The following BCL2L11 variants were observed in gnomAD, a reference collection of about 807,000 sequenced individuals.
BCL2L11 encodes the protein BCL2 like 11.
A neutral mutation model predicts 20.6 loss-of-function variants in BCL2L11; 15 were observed. The ratio of observed to expected loss-of-function variants is 0.73; its 90% CI spans 0.49 to 1.12. The LOEUF is 1.12. Among genes scored for constraint, BCL2L11 ranks in the 50% most tolerant of loss-of-function variants. The probability of loss-of-function intolerance (pLI) is 0.00; values close to 1 mark genes in which losing one functional copy is unlikely to be tolerated. For synonymous variants in BCL2L11, 108 were observed against 92.8 expected (o/e 1.16, Z -0.94); for missense variants, 292 against 260.9 (o/e 1.12, Z -0.82).
chr2:111,166,925 T>G lies in BCL2L11; in HGVS notation c.*2694T>G, dbSNP rs1478376386. The G allele has an allele frequency of 6.6e-6, 1 of 152,646 alleles. No homozygotes were observed. Among genetic ancestry groups the G allele is most frequent in the Admixed American group, 6.5e-5 (1 of 15,278 alleles). The allele number at this position is 152,646 out of a possible 1,614,324, so 9.5% of individuals were successfully genotyped here. ...ACTTATCAACTGAGCCAAATGTCTG[T>G]GTGCAATTGTGTTTCCTTTACCTTG... On this transcript the variant is annotated 3_prime_UTR_variant, in exon 4 of 4. Coordinates refer to ENST00000393256, the MANE Select transcript of BCL2L11 (RefSeq NM_138621.5).
At position 111,125,639 on chromosome 2, in the gene BCL2L11, T is replaced by C. The variant is rs146468662; in HGVS notation, c.394+1500T>C. Among the ~76,000 whole-genome samples the C allele has an allele frequency of 6.8e-3, 1,026 of 151,540 alleles. 16 individuals are homozygous for C. Among genetic ancestry groups the C allele is most frequent in the African/African-American group, 0.023 (974 of 41,546 alleles). ...ATCAGGCAGGCCTTTGCCCATGTTATAGAATTGGAAAGAACCTCAGAGTGG... is the reference window on the plus strand; with the variant it reads ...ATCAGGCAGGCCTTTGCCCATGTTACAGAATTGGAAAGAACCTCAGAGTGG... On this transcript the variant is annotated intron_variant, in intron 2 of 3. Coordinates refer to ENST00000393256, the MANE Select transcript of BCL2L11 (RefSeq NM_138621.5).
rs552119326 is a variant in BCL2L11, at chr2:111,164,605, C to G, written c.*374C>G. 6.1e-6 allele frequency: 1 copy of G among 164,514 alleles called. No homozygotes were observed. The highest frequency in any genetic ancestry group is 1.8e-4 in the South Asian group (1 of 5,540). The allele number at this position is 164,514 out of a possible 1,614,324, so 10.2% of individuals were successfully genotyped here. A position where few individuals can be genotyped will look rare whatever the true frequency, so the allele number is the denominator to read the frequency against. On this transcript the variant is annotated 3_prime_UTR_variant, in exon 4 of 4. Coordinates refer to ENST00000393256, the MANE Select transcript of BCL2L11 (RefSeq NM_138621.5). ...AACTTTTTAACCAATTTGTGAATAA[C>G]TTTTGTATTAAAATTTTAAGAACCT... is the stretch of plus-strand genomic sequence containing the variant.
In BCL2L11 at chr2:111,166,529, T is replaced by A. The variant is rs775904645; in HGVS notation, c.*2298T>A. ...TATCAAGATGCCTCTGTGCAGAAAG[T>A]ATGCCTCCCGTGGGTATACGTTTTT... On this transcript the variant is annotated 3_prime_UTR_variant, in exon 4 of 4. Coordinates refer to ENST00000393256, the MANE Select transcript of BCL2L11 (RefSeq NM_138621.5). 3 of 152,696 alleles carry A rather than the reference T, an allele frequency of 2.0e-5. No homozygotes were observed. The highest frequency in any genetic ancestry group is 4.4e-5 in the Non-Finnish European group (3 of 68,048). 9.5% of individuals were successfully genotyped at this position (152,696 alleles called of 1,614,324 possible). A position where few individuals can be genotyped will look rare whatever the true frequency, so the allele number is the denominator to read the frequency against.
At chr2:111,149,956 G>C in intron 2 of BCL2L11, 88 bp from the exon 3 acceptor site, 1 of 1,092,398 alleles carries the variant, frequency 9.2e-7, no homozygotes. Context: ...TGTGTGAGAT[G>C]GGCTTGCCTC....
chr2:111,121,520 C>G (rs1392001485), intron 1 of BCL2L11, among the ~76,000 whole-genome samples: 2 of 152,178 alleles, frequency 1.3e-5, no homozygotes, highest in Non-Finnish European at 2.9e-5. Context: ...GGCCCGGGAG[C>G]TGAGGACCTG....
chr2:111,146,363 T>A (rs2076512564), intron 2 of BCL2L11: 1 of 536,132 alleles, frequency 1.9e-6, no homozygotes, highest in Non-Finnish European at 2.4e-6. Context: ...TTACTTTTCT[T>A]ATAAACTAGA....
chr2:111,157,907 A>G (rs917976650), intron 3 of BCL2L11, among the ~76,000 whole-genome samples: 1 of 152,184 alleles, frequency 6.6e-6, no homozygotes, highest in Admixed American at 6.5e-5. Flanking sequence ...TGAAGGTACC[A>G]TGCATCTGGG....
chr2:111,161,795 A>G (rs1306709376), intron 3 of BCL2L11, among the ~76,000 whole-genome samples: 2 of 152,076 alleles, frequency 1.3e-5, no homozygotes, highest in African/African-American at 4.8e-5. Context: ...GCTTTCTCTA[A>G]TTGCTTCAGA....
At chr2:111,145,912 G>A in intron 2 of BCL2L11, 1 of 919,690 alleles carries the variant, frequency 1.1e-6, no homozygotes, top group Non-Finnish European at 1.3e-6. Flanking sequence ...GTTTTGATTA[G>A]TGGCTTTCTT....
At chr2:111,161,302 G>T (rs1234186656) in intron 3 of BCL2L11, 2 of 1,297,676 alleles carry the variant, frequency 1.5e-6, no homozygotes, top group Non-Finnish European at 2.1e-6. Flanking sequence ...CATCTTCCCT[G>T]ATTGTATTTA....
chr2:111,150,139 G>A lies in BCL2L11; in HGVS notation c.490G>A (p.Ala164Thr), dbSNP rs1160458365. The A allele has an allele frequency of 6.2e-7, 1 of 1,613,626 alleles. No homozygotes were observed. The highest frequency in any genetic ancestry group is 2.2e-5 in the East Asian group (1 of 44,858). The change falls in exon 3 of 4, where the codon GCA (alanine) becomes ACA (threonine). Residue 164 changes from alanine (A) to threonine (T), a missense_variant. By Grantham distance (58) the Ala-to-Thr change is moderately conservative. Transcript: ENST00000393256. ...TGGAGACGAGTTTAACGCTTACTAT[G>A]CAAGGAGGGTAATGATGTTTTCTTT... ...RIGDEFNAYYARRVFLNNYQA... is the reference protein window; with the variant it reads ...RIGDEFNAYYTRRVFLNNYQA...
At chr2:111,140,595 G>A (rs1445511760) in intron 2 of BCL2L11, among the ~76,000 whole-genome samples, 1 of 152,216 alleles carries the variant, frequency 6.6e-6, no homozygotes, top group Non-Finnish European at 1.5e-5. Context: ...TCTGTGGGAT[G>A]TGTGGTGGAG....
intron 3 of BCL2L11, among the ~76,000 whole-genome samples, chr2:111,155,419 A>G (rs1212328591): frequency 6.6e-6 from 1 of 151,710 alleles, no homozygotes; most frequent in Admixed American, 6.6e-5. Context: ...CCCTCTGTAG[A>G]TGTGGGCCGG....
chr2:111,165,394 C>G lies in BCL2L11; in HGVS notation c.*1163C>G, dbSNP rs1007031595. On this transcript the variant is annotated 3_prime_UTR_variant, in exon 4 of 4. Coordinates refer to ENST00000393256, the MANE Select transcript of BCL2L11 (RefSeq NM_138621.5). ...CTTCTGATGGCCATTTGCTTGGCCTCCTGCATTTTAGTCCAACTCACAGTC... is the reference window on the plus strand; with the variant it reads ...CTTCTGATGGCCATTTGCTTGGCCTGCTGCATTTTAGTCCAACTCACAGTC... 1 of 152,342 alleles carries G rather than the reference C, an allele frequency of 6.6e-6. No homozygotes were observed. The highest frequency in any genetic ancestry group is 6.5e-5 in the Admixed American group (1 of 15,284). The allele number at this position is 152,342 out of a possible 1,614,324, so 9.4% of individuals were successfully genotyped here. A position where few individuals can be genotyped will look rare whatever the true frequency, so the allele number is the denominator to read the frequency against.
chr2:111,140,094 A>G (rs1009251947), intron 2 of BCL2L11, among the ~76,000 whole-genome samples: 1 of 152,102 alleles, frequency 6.6e-6, no homozygotes, highest in Non-Finnish European at 1.5e-5. Flanking sequence ...GAGTGAGGAA[A>G]CCGAACTTGG....
At chr2:111,130,251 C>G (rs1459044390) in intron 2 of BCL2L11, 1 of 280,800 alleles carries the variant, frequency 3.6e-6, no homozygotes, top group Non-Finnish European at 7.1e-6. Flanking sequence ...ATTACAGGCA[C>G]GTACCACCAC....
At chr2:111,133,449 A>G (rs563245789) in intron 2 of BCL2L11, among the ~76,000 whole-genome samples, 37 of 152,276 alleles carry the variant, frequency 2.4e-4, no homozygotes, top group East Asian at 1.2e-3. Context: ...AGTTCTGTCT[A>G]TATATTTTTA....
chr2:111,158,676 C>G (rs946043055), intron 3 of BCL2L11, among the ~76,000 whole-genome samples: 2 of 152,160 alleles, frequency 1.3e-5, no homozygotes, highest in Non-Finnish European at 2.9e-5. Context: ...TCTCAGAGTT[C>G]TATAGGTATA....
At chr2:111,150,725 A>G (rs2077145160) in intron 3 of BCL2L11, among the ~76,000 whole-genome samples, 1 of 152,216 alleles carries the variant, frequency 6.6e-6, no homozygotes, top group African/African-American at 2.4e-5. Flanking sequence ...AAAACTTTAT[A>G]TTATAGATAA....
Sources: allele counts gnomAD v4.1 joint callset (sites outside exome capture counted in the v4.1 genomes callset), GRCh38; gene constraint gnomAD v4.1.1; transcripts MANE v1.5; gene names NCBI Gene and HGNC (gene_info 2026-07-23, HGNC 2026-07-21).